The following MYLK variants were observed in gnomAD, a reference collection of about 807,000 sequenced individuals.
MYLK encodes myosin light chain kinase, smooth muscle.
MYLK carries 106 observed loss-of-function variants against 203.4 expected under a neutral mutation model. The observed-to-expected ratio is 0.52, with a 90% CI of 0.45 to 0.61. MYLK has a LOEUF of 0.61. Among genes scored for constraint, MYLK ranks in the 20% least tolerant of loss-of-function variants. MYLK has a pLI of 0.00. For synonymous variants in MYLK, 867 were observed against 959.5 expected, an observed-to-expected ratio of 0.90 and a Z score of 1.78; for missense variants, 2,072 against 2,442.3, an observed-to-expected ratio of 0.85 and a Z score of 3.20.
intron 2 of MYLK, among the ~76,000 whole-genome samples, chr3:123,843,361 T>C (rs2066638442): frequency 6.6e-6 from 1 of 152,138 alleles, no homozygotes; most frequent in Admixed American, 6.6e-5. Context: ...GTCTGTCTGG[T>C]TGTAAGGGCC....
chr3:123,791,262 T>A (rs949531822), intron 4 of MYLK, among the ~76,000 whole-genome samples: 1 of 152,200 alleles, frequency 6.6e-6, no homozygotes, highest in African/African-American at 2.4e-5. Flanking sequence ...GAGCTTATTA[T>A]AACCAGCAAC....
intron 24 of MYLK, among the ~76,000 whole-genome samples, chr3:123,655,563 C>T (rs930545298): frequency 6.6e-6 from 1 of 152,174 alleles, no homozygotes; most frequent in African/African-American, 2.4e-5. Context: ...GGGCTGAAAC[C>T]GCAGCTCCCC....
intron 6 of MYLK, 128 bp from the exon 7 acceptor site, chr3:123,739,190 C>T (rs1056433974): frequency 1.1e-5 from 12 of 1,084,340 alleles, no homozygotes; most frequent in Non-Finnish European, 1.6e-5. Flanking sequence ...CAATTTTATG[C>T]CTCAGAAACT....
chr3:123,808,882 A>T (rs1477745210), intron 3 of MYLK, among the ~76,000 whole-genome samples: 2 of 152,224 alleles, frequency 1.3e-5, no homozygotes, highest in East Asian at 3.8e-4. Context: ...ATAGTAGCCA[A>T]AGTTCTCAAA....
chr3:123,728,953 G>A (rs1315240621), intron 11 of MYLK, among the ~76,000 whole-genome samples: 2 of 152,126 alleles, frequency 1.3e-5, no homozygotes, highest in Admixed American at 1.3e-4. Flanking sequence ...AGCTACTTGA[G>A]ACAGCAATAT....
chr3:123,676,848 T>C (rs1392681958), intron 20 of MYLK, among the ~76,000 whole-genome samples: 1 of 152,260 alleles, frequency 6.6e-6, no homozygotes, highest in Non-Finnish European at 1.5e-5. Flanking sequence ...AAGCCCCACA[T>C]GGATGTCCGT....
At chr3:123,825,352 T>C (rs539463547) in intron 3 of MYLK, among the ~76,000 whole-genome samples, 17 of 152,210 alleles carry the variant, frequency 1.1e-4, no homozygotes, top group Admixed American at 5.9e-4. Flanking sequence ...CCACCCAACC[T>C]CTGCAGATCT....
intron 13 of MYLK, among the ~76,000 whole-genome samples, chr3:123,719,930 C>T (rs1449014300): frequency 6.6e-6 from 1 of 152,222 alleles, no homozygotes; most frequent in African/African-American, 2.4e-5. Flanking sequence ...CAGCCCCGAG[C>T]CTCCTGAGTG....
intron 20 of MYLK, among the ~76,000 whole-genome samples, chr3:123,667,595 C>T (rs1005702746): frequency 4.7e-5 from 7 of 148,760 alleles, no homozygotes; most frequent in African/African-American, 1.7e-4. Context: ...CAGAGTGAGA[C>T]TCTGTCTCAA....
At chr3:123,801,268 G>C (rs1271127259) in intron 3 of MYLK, among the ~76,000 whole-genome samples, 1 of 152,172 alleles carries the variant, frequency 6.6e-6, no homozygotes, top group Non-Finnish European at 1.5e-5. Flanking sequence ...AAGAGTCTCA[G>C]GGACATCCAG....
At chr3:123,785,064 T>C (rs1241247698) in intron 4 of MYLK, among the ~76,000 whole-genome samples, 1 of 152,182 alleles carries the variant, frequency 6.6e-6, no homozygotes, top group Non-Finnish European at 1.5e-5. Context: ...CTACATCCAC[T>C]CCTAATCTCC....
At chr3:123,634,908 A>G (rs375515673) in intron 29 of MYLK, among the ~76,000 whole-genome samples, 2 of 152,386 alleles carry the variant, frequency 1.3e-5, no homozygotes. Context: ...TGCTAACTTC[A>G]GAAGGTCTCT....
intron 3 of MYLK, among the ~76,000 whole-genome samples, chr3:123,804,988 G>C (rs1046260521): frequency 6.6e-6 from 1 of 152,142 alleles, no homozygotes; most frequent in Admixed American, 6.5e-5. Context: ...GCGGTGACAT[G>C]GTTGCCAGTA....
At chr3:123,750,925 C>T (rs536345754) in intron 5 of MYLK, among the ~76,000 whole-genome samples, 2 of 152,342 alleles carry the variant, frequency 1.3e-5, no homozygotes, top group East Asian at 3.9e-4. Context: ...AGCATCCAAA[C>T]TATGCATGCT....
Position 123,733,319 on chromosome 3 carries a change from T to A in MYLK, c.1310-217A>T, listed in dbSNP as rs145806049. On this transcript the variant is annotated intron_variant, in intron 10 of 33. Coordinates refer to ENST00000360304, the MANE Select transcript of MYLK (RefSeq NM_053025.4). ...CTTGAGGAGGATGAATACAGCGTGA[T>A]GGGCAAGGTCTCCAGGTTGGCCAAA... 2.2e-3 allele frequency among the ~76,000 whole-genome samples: 330 copies of A among 152,208 alleles called. 1 individual carries two copies. Among genetic ancestry groups the A allele is most frequent in the African/African-American group, 7.6e-3 (316 of 41,526 alleles).
chr3:123,858,227 G>C (rs1366093948), intron 2 of MYLK, among the ~76,000 whole-genome samples: 1 of 152,182 alleles, frequency 6.6e-6, no homozygotes, highest in Non-Finnish European at 1.5e-5. Flanking sequence ...GAAAAATGTG[G>C]AGTGCAGCTT....
At chr3:123,820,892 C>CT (rs892202630) in intron 3 of MYLK, among the ~76,000 whole-genome samples, 68 of 151,934 alleles carry the variant, frequency 4.5e-4, no homozygotes, top group South Asian at 6.3e-4. Flanking sequence ...CCTGGCTATT[C>CT]TTTTTTTTGT....
chr3:123,663,925 G>A (rs1307004393), intron 23 of MYLK, among the ~76,000 whole-genome samples, 180 bp downstream of exon 23: 1 of 152,166 alleles, frequency 6.6e-6, no homozygotes, highest in Non-Finnish European at 1.5e-5. Context: ...CTGGAGGTCA[G>A]CAGGGTCTAG....
intron 4 of MYLK, among the ~76,000 whole-genome samples, chr3:123,772,667 ATAAAAAGTTTGCATGAC>A (rs1281785399): frequency 6.6e-6 from 1 of 152,150 alleles, no homozygotes; most frequent in East Asian, 1.9e-4. Flanking sequence ...TTTTTAAGAT[ATAAAAAGTTTGCATGAC>A]TAAATAAAAA....
Sources: allele counts gnomAD v4.1 joint callset (sites outside exome capture counted in the v4.1 genomes callset), GRCh38; gene constraint gnomAD v4.1.1; transcripts MANE v1.5; gene names NCBI Gene and HGNC (gene_info 2026-07-23, HGNC 2026-07-21).